ZNF414: variants seen among roughly 807,000 people sequenced by gnomAD.
ZNF414 encodes the protein zinc finger protein 414.
Under a neutral mutation model 38.3 loss-of-function variants are expected in ZNF414, and 32 were observed. The ratio of observed to expected loss-of-function variants is 0.83; its 90% CI spans 0.63 to 1.12. The LOEUF is 1.12. ZNF414 is among the 50% of genes most tolerant of loss of function. The pLI, the probability that ZNF414 is intolerant of heterozygous loss-of-function variation, is 0.00. For synonymous variants in ZNF414, 256 were observed against 248.0 expected, an observed-to-expected ratio of 1.03 and a Z score of -0.30; for missense variants, 589 against 557.4, an observed-to-expected ratio of 1.06 and a Z score of -0.57.
In ZNF414 at chr19:8,511,705, A is replaced by G; in HGVS notation, c.786T>C (p.Phe262=). The change falls in exon 5 of 8, where the codon TTT becomes TTC. Residue 262 remains phenylalanine (F), a synonymous_variant. Transcript: ENST00000393927. ...GGCGCAGGCGCGGGGGGCTTAGGCC[A>G]AAGGGCGCAGGGTTCAAGTAGGGCA... ...PFLPYLNPAP[F]GLSPPRLRPF... The G allele has an allele frequency of 6.7e-7, 1 of 1,489,834 alleles. No individual in the cohort carries two copies. Among genetic ancestry groups the G allele is most frequent in the Non-Finnish European group, 8.9e-7 (1 of 1,125,946 alleles). The allele number at this position is 1,489,834 out of a possible 1,614,324, so 92.3% of individuals were successfully genotyped here.
At position 8,510,695 on chromosome 19, in the gene ZNF414, AGCT is replaced by A; in HGVS notation, c.1166_1168del (p.Gln389del). 6.5e-7 allele frequency: 1 copy of A among 1,545,236 alleles called. No homozygotes were observed. On this transcript the variant is annotated inframe_deletion, in exon 8 of 8. Coordinates refer to ENST00000393927, the MANE Select transcript of ZNF414 (RefSeq NM_001146175.2). ...CCACCCCCAAAGCGGCGGGATTCAG[AGCT>A]GCGAGAACACTGGAAGCTCCCCCTC...
At position 8,510,632 on chromosome 19, in the gene ZNF414, G is replaced by A; in HGVS notation, c.*59C>T. On this transcript the variant is annotated 3_prime_UTR_variant, in exon 8 of 8. Transcript: ENST00000393927. ...TCCACCCCAGCCCCCCTTCCCTGCAGCCCCCTCCAAATGACAAAACTACCC... is the reference window on the plus strand; with the variant it reads ...TCCACCCCAGCCCCCCTTCCCTGCAACCCCCTCCAAATGACAAAACTACCC... 6.8e-7 allele frequency: 1 copy of A among 1,465,662 alleles called. No homozygotes were observed. The highest frequency in any genetic ancestry group is 9.2e-7 in the Non-Finnish European group (1 of 1,088,282). The allele number at this position is 1,465,662 out of a possible 1,614,324, so 90.8% of individuals were successfully genotyped here.
At position 8,510,872 on chromosome 19, in the gene ZNF414, G is replaced by A; in HGVS notation, c.1078C>T (p.Pro360Ser). Reference protein sequence around the residue: ...GAPAAPAAGPPRPDAPADPAP... With the variant: ...GAPAAPAAGPSRPDAPADPAP... ...TTACCCGCGGGGGCGTCGGGGCGCG[G>A]CGGCCCGGCCGCGGGGGCCGCGGGG... is the stretch of plus-strand genomic sequence containing the variant. The change falls in exon 7 of 8, where the codon CCG becomes TCG. Residue 360 changes from proline (P) to serine (S), a missense_variant. By Grantham distance (74) the Pro-to-Ser change is moderately conservative. Transcript: ENST00000393927. The A allele has an allele frequency of 8.9e-7, 1 of 1,125,624 alleles. No individual in the cohort carries two copies. The allele number at this position is 1,125,624 out of a possible 1,614,324, so 69.7% of individuals were successfully genotyped here. A position where few individuals can be genotyped will look rare whatever the true frequency, so the allele number is the denominator to read the frequency against.
Position 8,511,896 on chromosome 19 carries a change from C to A in ZNF414, c.595G>T (p.Ala199Ser), listed in dbSNP as rs745538052. 3 of 1,411,062 alleles carry A rather than the reference C, an allele frequency of 2.1e-6. No homozygotes were observed. The highest frequency in any genetic ancestry group is 2.8e-6 in the Non-Finnish European group (3 of 1,090,426). The allele number at this position is 1,411,062 out of a possible 1,614,324, so 87.4% of individuals were successfully genotyped here. The change falls in exon 5 of 8, where the codon GCG (alanine) becomes TCG (serine). Residue 199 changes from alanine (A) to serine (S), a missense_variant. Transcript: ENST00000393927. ...GGGGCTGGGCTCTGCGCATGCTCCGCGCAAACATGCAGGTGCTTGAAGAGC... is the reference window on the plus strand; with the variant it reads ...GGGGCTGGGCTCTGCGCATGCTCCGAGCAAACATGCAGGTGCTTGAAGAGC... ...RSLFKHLHVC[A>S]EHAQSPAPPP...
chr19:8,511,585 G>A (rs1382195545), intron 5 of ZNF414, 32 bp downstream of exon 5: 2 of 1,532,946 alleles, frequency 1.3e-6, no homozygotes, highest in Non-Finnish European at 1.8e-6. Flanking sequence ...AGCCCAGCCA[G>A]CCCTCCTGGA....
At position 8,510,336 on chromosome 19, in the gene ZNF414, G is replaced by T; in HGVS notation, c.*355C>A. 1.0e-5 allele frequency: 2 copies of T among 195,868 alleles called. No homozygotes were observed. Among genetic ancestry groups the T allele is most frequent in the Non-Finnish European group, 2.0e-5 (2 of 97,688 alleles). 12.1% of individuals were successfully genotyped at this position (195,868 alleles called of 1,614,324 possible). On this transcript the variant is annotated 3_prime_UTR_variant, in exon 8 of 8. Transcript: ENST00000393927. Reference sequence around the variant, plus strand: ...AAAAAAAAAAAAAGAAAACTGGAGAGTCCCCATCCCATTTGGTTTCTGGAC... The same window carrying T: ...AAAAAAAAAAAAAGAAAACTGGAGATTCCCCATCCCATTTGGTTTCTGGAC...
chr19:8,512,291 G>A (rs1011065592), intron 4 of ZNF414, 96 bp downstream of exon 4: 43 of 1,522,404 alleles, frequency 2.8e-5, no homozygotes, highest in Non-Finnish European at 3.5e-5. Context: ...ATCAAGTCCC[G>A]CCCTCCAACA....
chr19:8,512,006 C>T (rs1971924534), intron 4 of ZNF414, 46 bp from the exon 5 acceptor site: 1 of 1,388,774 alleles, frequency 7.2e-7, no homozygotes, highest in African/African-American at 1.5e-5. Flanking sequence ...TCCAGGGGCA[C>T]CAGGGAGAGT....
In ZNF414 at chr19:8,512,853, TG is replaced by T. The variant is rs1288235375; in HGVS notation, c.317-143del. The T allele has an allele frequency of 2.1e-5, 25 of 1,173,856 alleles. No homozygotes were observed. The African/African-American group carries it at 3.7e-4, about 17-fold the overall frequency. The allele number at this position is 1,173,856 out of a possible 1,614,324, so 72.7% of individuals were successfully genotyped here. A position where few individuals can be genotyped will look rare whatever the true frequency, so the allele number is the denominator to read the frequency against. Reference sequence around the variant, plus strand: ...ACCACAACAGACTGGTCTGCCACAGTGCAGGGGCTGGACTGGCCAGGCTCAC... The same window carrying T: ...ACCACAACAGACTGGTCTGCCACAGTCAGGGGCTGGACTGGCCAGGCTCAC... On this transcript the variant is annotated intron_variant, in intron 2 of 7. Coordinates refer to ENST00000393927, the MANE Select transcript of ZNF414 (RefSeq NM_001146175.2).
At position 8,510,547 on chromosome 19, in the gene ZNF414, C is replaced by T; in HGVS notation, c.*144G>A. 1.0e-6 allele frequency: 1 copy of T among 983,530 alleles called. No homozygotes were observed. The highest frequency in any genetic ancestry group is 1.4e-6 in the Non-Finnish European group (1 of 690,746). 60.9% of individuals were successfully genotyped at this position (983,530 alleles called of 1,614,324 possible). On this transcript the variant is annotated 3_prime_UTR_variant, in exon 8 of 8. Coordinates refer to ENST00000393927, the MANE Select transcript of ZNF414 (RefSeq NM_001146175.2). ...GACTGCTGGGCTCGAGCCCACTATG[C>T]TTTGGATGGACAAGGGATGGGAACA...
In ZNF414 at chr19:8,511,017, C is replaced by G. The variant is rs1208106866; in HGVS notation, c.933G>C (p.Ala311=). Residue 311 remains alanine (A), a synonymous_variant, in exon 7 of 8, where the codon GCG becomes GCC. Coordinates refer to ENST00000393927, the MANE Select transcript of ZNF414 (RefSeq NM_001146175.2). ...GCTCCCACACGATGCGGCTCGGGGC[C>G]GCGTGCCCTGCGGGCAGGCGGGACC... ...QGGSDAPSGH[A]APSRIVWEHT... The G allele has an allele frequency of 1.6e-6, 2 of 1,279,454 alleles. No homozygotes were observed. The highest frequency in any genetic ancestry group is 9.9e-7 in the Non-Finnish European group (1 of 1,013,224). The allele number at this position is 1,279,454 out of a possible 1,614,324, so 79.3% of individuals were successfully genotyped here.
chr19:8,511,599 C>T lies in ZNF414; in HGVS notation c.874+18G>A. 6.6e-7 allele frequency: 1 copy of T among 1,519,454 alleles called. No homozygotes were observed. The highest frequency in any genetic ancestry group is 8.8e-7 in the Non-Finnish European group (1 of 1,135,484). 94.1% of individuals were successfully genotyped at this position (1,519,454 alleles called of 1,614,324 possible). A position where few individuals can be genotyped will look rare whatever the true frequency, so the allele number is the denominator to read the frequency against. ...GAGCCCAGCCAGCCCTCCTGGAGGC[C>T]CCCGACCCCACACTCACCTTGGCTC... is the stretch of plus-strand genomic sequence containing the variant. On this transcript the variant is annotated intron_variant, in intron 5 of 7. Transcript: ENST00000393927.
intron 6 of ZNF414, 38 bp downstream of exon 6, chr19:8,511,448 A>T: frequency 6.2e-7 from 1 of 1,605,304 alleles, no homozygotes; most frequent in South Asian, 1.1e-5. Flanking sequence ...CAGGAAAGAA[A>T]GCCCCTCCAC....
Position 8,511,830 on chromosome 19 carries a change from C to G in ZNF414, c.661G>C (p.Glu221Gln). 7.2e-7 allele frequency: 1 copy of G among 1,396,408 alleles called. No homozygotes were observed. Among genetic ancestry groups the G allele is most frequent in the Non-Finnish European group, 9.2e-7 (1 of 1,083,146 alleles). 86.5% of individuals were successfully genotyped at this position (1,396,408 alleles called of 1,614,324 possible). The stretch of plus-strand genomic sequence containing the variant: ...GCGGGGTCAACCTCCGGGGGGCGCT[C>G]CGGCGCGGGCGGCTCTCGGTCCAGG... Reference protein sequence around the residue: ...PALDREPPAPERPPEVDPASA... With the variant: ...PALDREPPAPQRPPEVDPASA... The change falls in exon 5 of 8, where the codon GAG becomes CAG. Residue 221 changes from glutamate (E) to glutamine (Q), a missense_variant. Glu to Gln is a conservative substitution (Grantham distance 29). Coordinates refer to ENST00000393927, the MANE Select transcript of ZNF414 (RefSeq NM_001146175.2).
At position 8,510,308 on chromosome 19, in the gene ZNF414, G is replaced by GAAAAAAAA. The variant is rs534955424; in HGVS notation, c.*375_*382dup. 3.0e-5 allele frequency: 3 copies of GAAAAAAAA among 101,084 alleles called. No homozygotes were observed. The highest frequency in any genetic ancestry group is 3.4e-4 in the South Asian group (1 of 2,910). 6.3% of individuals were successfully genotyped at this position (101,084 alleles called of 1,614,324 possible). The stretch of plus-strand genomic sequence containing the variant: ...GTCTCAAAAAAGAAAAAAAAAAAAA[G>GAAAAAAAA]AAAAAAAAAAAAAAAGAAAACTGGA... On this transcript the variant is annotated 3_prime_UTR_variant, in exon 8 of 8. Coordinates refer to ENST00000393927, the MANE Select transcript of ZNF414 (RefSeq NM_001146175.2).
In ZNF414 at chr19:8,511,817, T is replaced by C; in HGVS notation, c.674A>G (p.Glu225Gly). 4 of 1,390,812 alleles carry C rather than the reference T, an allele frequency of 2.9e-6. No individual in the cohort carries two copies. Among genetic ancestry groups the C allele is most frequent in the Non-Finnish European group, 3.7e-6 (4 of 1,079,798 alleles). The allele number at this position is 1,390,812 out of a possible 1,614,324, so 86.2% of individuals were successfully genotyped here. ...REPPAPERPP[E>G]VDPASAPGLP... ...GCCCGGCGCTGATGCGGGGTCAACC[T>C]CCGGGGGGCGCTCCGGCGCGGGCGG... The change falls in exon 5 of 8, where the codon GAG (glutamate) becomes GGG (glycine). Residue 225 changes from glutamate (E) to glycine (G), a missense_variant. By Grantham distance (98) the Glu-to-Gly change is moderately conservative. Transcript: ENST00000393927.
chr19:8,512,142 C>T (rs574012133), intron 4 of ZNF414, 182 bp from the exon 5 acceptor site: 24 of 1,426,778 alleles, frequency 1.7e-5, no homozygotes, highest in African/African-American at 4.3e-5. Flanking sequence ...CTGGGGAAAC[C>T]CGGAAAGAAG....
rs1045319192 is a variant in ZNF414, at chr19:8,511,231, C to G, written c.926-207G>C. ...CTTCTCCGCGTCCCCTACTATCATC[C>G]CCAGATTCACTGTTGGGGAGAAGCC... On this transcript the variant is annotated intron_variant, in intron 6 of 7. Transcript: ENST00000393927. 110 of 1,354,610 alleles carry G rather than the reference C, an allele frequency of 8.1e-5. No individual in the cohort carries two copies. In the African/African-American group the frequency reaches 1.3e-3, roughly 16 times the overall value. The allele number at this position is 1,354,610 out of a possible 1,614,324, so 83.9% of individuals were successfully genotyped here.
chr19:8,512,101 G>C lies in ZNF414; in HGVS notation c.531-141C>G, dbSNP rs577931774. The C allele has an allele frequency of 6.4e-4, 905 of 1,417,144 alleles. 14 individuals carry two copies. The South Asian group carries it at 0.013, about 21-fold the overall frequency. The allele number at this position is 1,417,144 out of a possible 1,614,324, so 87.8% of individuals were successfully genotyped here. On this transcript the variant is annotated intron_variant, in intron 4 of 7. Coordinates refer to ENST00000393927, the MANE Select transcript of ZNF414 (RefSeq NM_001146175.2). ...TCCCCGCTCCTGTACAACTGTGGCA[G>C]CGACCCTTCCTGACCACTTCGGGTG...
Sources: gnomAD v4.1 joint callset for allele counts on GRCh38, gnomAD v4.1.1 for gene constraint, MANE v1.5 for transcripts, NCBI Gene and HGNC (gene_info 2026-07-23, HGNC 2026-07-21) for gene names.